Variants in USH2A observed in about 807,000 individuals in gnomAD.
USH2A encodes usherin, also known as Usher syndrome 2A (autosomal recessive, mild).
In USH2A, 443 loss-of-function variants were observed where a neutral mutation model predicts 538.9. That is an observed-to-expected ratio of 0.82 (90% CI 0.76 to 0.89). The LOEUF is 0.89. USH2A is among the 40% of genes least tolerant of loss of function. The pLI is 0.00. For missense variants in USH2A, 6,633 were observed against 6,324.8 expected (o/e 1.05, Z -1.65); for synonymous variants, 2,413 against 2,273.5 (o/e 1.06, Z -1.75).
chr1:215,888,901 G>A lies in USH2A; in HGVS notation c.7748C>T (p.Thr2583Ile), dbSNP rs745896860. The change falls in exon 41 of 72, where the codon ACT becomes ATT. Residue 2583 changes from threonine to isoleucine, a missense_variant. By Grantham distance (89) the Thr-to-Ile change is moderately conservative. Coordinates refer to ENST00000307340, the MANE Select transcript of USH2A (RefSeq NM_206933.4). ...GTGTAAATGCATCACTGTGCAATTA[G>A]TGACATTTCCAGGAGTTCTCAAGTA... ...RLYLRTPGNV[T>I]NCTVMHLHPY... 3 of 1,613,958 alleles carry A rather than the reference G, an allele frequency of 1.9e-6. No individual in the cohort carries two copies. Among genetic ancestry groups the A allele is most frequent in the East Asian group, 2.2e-5 (1 of 44,886 alleles).
chr1:216,065,743 A>G lies in USH2A; in HGVS notation c.6049+4358T>C, dbSNP rs572307839. ...GAAACTCCATCTCTACTAAAAATAC[A>G]AAAGTTACCCTGGCGTGGTGATGCA... On this transcript the variant is annotated intron_variant, in intron 30 of 71. Coordinates refer to ENST00000307340, the MANE Select transcript of USH2A (RefSeq NM_206933.4). Among the ~76,000 whole-genome samples, 47 of 152,148 alleles carry G rather than the reference A, an allele frequency of 3.1e-4. 2 individuals are homozygous for G. The South Asian group carries it at 9.6e-3, about 31-fold the overall frequency.
intron 21 of USH2A, among the ~76,000 whole-genome samples, chr1:216,120,219 C>CAAAAAAAAATAAAAAAAAAAAAAAAAA (rs2033100171): frequency 1.0e-5 from 1 of 100,070 alleles, no homozygotes; most frequent in East Asian, 4.6e-4. Flanking sequence ...TACTAAATAG[C>CAAAAAAAAATAAAAAAAAAAAAAAAAA]AAAAAAAAAA....
At chr1:216,391,176 T>A (rs1201682732) in intron 3 of USH2A, among the ~76,000 whole-genome samples, 1 of 152,226 alleles carries the variant, frequency 6.6e-6, no homozygotes, top group African/African-American at 2.4e-5. Flanking sequence ...GTGCTATGAA[T>A]CAACCAAAAT....
At chr1:216,129,975 T>C (rs1017336732) in intron 21 of USH2A, among the ~76,000 whole-genome samples, 6 of 152,046 alleles carry the variant, frequency 3.9e-5, no homozygotes, top group Non-Finnish European at 7.4e-5. Context: ...GTCTCATTAA[T>C]AAATGATGCT....
chr1:215,787,495 A>G (rs758531537), intron 51 of USH2A, among the ~76,000 whole-genome samples: 40 of 152,136 alleles, frequency 2.6e-4, no homozygotes, highest in Non-Finnish European at 4.7e-4. Flanking sequence ...ACATCTCCAG[A>G]TTTTTTATGG....
At chr1:216,106,554 C>T (rs2032739248) in intron 21 of USH2A, among the ~76,000 whole-genome samples, 2 of 151,362 alleles carry the variant, frequency 1.3e-5, no homozygotes, top group Admixed American at 1.3e-4. Context: ...CTCTTCCTCT[C>T]CTTTTCTCTC....
chr1:215,700,043 T>C (rs1658955661), intron 61 of USH2A, among the ~76,000 whole-genome samples: 1 of 152,202 alleles, frequency 6.6e-6, no homozygotes, highest in South Asian at 2.1e-4. Flanking sequence ...TTGAAGGCCT[T>C]TTCTGCATCT....
chr1:215,665,314 C>A (rs905981175), intron 64 of USH2A, among the ~76,000 whole-genome samples: 4 of 152,210 alleles, frequency 2.6e-5, no homozygotes, highest in Non-Finnish European at 5.9e-5. Context: ...AGAGTTTCCT[C>A]TAAGACTGAC....
At chr1:216,033,857 A>T (rs1236654841) in intron 32 of USH2A, among the ~76,000 whole-genome samples, 1 of 152,178 alleles carries the variant, frequency 6.6e-6, no homozygotes, top group Non-Finnish European at 1.5e-5. Flanking sequence ...GAACAGCAAA[A>T]AAGTTTGGAT....
intron 37 of USH2A, among the ~76,000 whole-genome samples, chr1:215,964,320 A>T (rs1402137510): frequency 6.6e-6 from 1 of 152,176 alleles, no homozygotes; most frequent in South Asian, 2.1e-4. Context: ...AAAAAGGGAC[A>T]CACCAATCTT....
At chr1:216,239,621 G>T in intron 13 of USH2A, among the ~76,000 whole-genome samples, 1 of 152,132 alleles carries the variant, frequency 6.6e-6, no homozygotes, top group African/African-American at 2.4e-5. Flanking sequence ...TATTAGCTAT[G>T]GTGAAAAGCA....
chr1:216,343,525 TAA>T lies in USH2A; in HGVS notation c.785-15873_785-15872del, dbSNP rs11370265. ...TGGGCGACAAAGCAATACTACATCT[TAA>T]AAAAAAAAAAAAAAGACAGTATTTT... On this transcript the variant is annotated intron_variant, in intron 4 of 71. Coordinates refer to ENST00000307340, the MANE Select transcript of USH2A (RefSeq NM_206933.4). Among the ~76,000 whole-genome samples, 283 of 135,300 alleles carry T rather than the reference TAA, an allele frequency of 2.1e-3. 1 individual carries two copies. Among genetic ancestry groups the T allele is most frequent in the African/African-American group, 7.2e-3 (266 of 36,966 alleles). The allele number at this position is 135,300 out of a possible 152,430, so 88.8% of individuals were successfully genotyped here.
At chr1:216,397,779 T>C (rs1314148466) in intron 3 of USH2A, among the ~76,000 whole-genome samples, 1 of 152,246 alleles carries the variant, frequency 6.6e-6, no homozygotes, top group Non-Finnish European at 1.5e-5. Flanking sequence ...GGACTTGGAC[T>C]GAGACATAGT....
chr1:216,377,777 TAAAA>T (rs2038850492), intron 3 of USH2A, among the ~76,000 whole-genome samples: 1 of 105,670 alleles, frequency 9.5e-6, no homozygotes. Context: ...AGGAAAGAAA[TAAAA>T]AGAAAGAAAG....
At chr1:216,314,981 T>C (rs781515954) in intron 9 of USH2A, among the ~76,000 whole-genome samples, 4 of 152,142 alleles carry the variant, frequency 2.6e-5, no homozygotes, top group Non-Finnish European at 5.9e-5. Flanking sequence ...CCCCGAAAGG[T>C]AAATGTAGTT....
intron 35 of USH2A, among the ~76,000 whole-genome samples, chr1:215,985,614 T>C (rs1667853354): frequency 6.6e-6 from 1 of 152,186 alleles, no homozygotes; most frequent in Admixed American, 6.6e-5. Flanking sequence ...TAGCTATTAT[T>C]ATTATTACTA....
chr1:216,154,696 C>T (rs1352057813), intron 21 of USH2A, among the ~76,000 whole-genome samples: 1 of 152,164 alleles, frequency 6.6e-6, no homozygotes, highest in African/African-American at 2.4e-5. Context: ...CTTTTTGTCA[C>T]TATACATTAA....
chr1:216,205,349 T>A (rs974266557), intron 16 of USH2A, among the ~76,000 whole-genome samples: 4 of 152,206 alleles, frequency 2.6e-5, no homozygotes, highest in African/African-American at 7.2e-5. Flanking sequence ...TCAGGATACT[T>A]TGCCAACATG....
chr1:215,685,332 GT>G (rs10716020), intron 61 of USH2A, among the ~76,000 whole-genome samples: 85,084 of 144,834 alleles, frequency 0.59, 25,763 homozygotes, highest in East Asian at 0.9. Context: ...ATTCAAATCA[GT>G]TTTTTTTTTT....
Sources: allele counts gnomAD v4.1 joint callset (sites outside exome capture counted in the v4.1 genomes callset), GRCh38; gene constraint gnomAD v4.1.1; transcripts MANE v1.5; gene names NCBI Gene and HGNC (gene_info 2026-07-23, HGNC 2026-07-21).